Variants in COL4A5 observed in about 807,000 individuals in gnomAD.
The protein encoded by COL4A5 is collagen type IV alpha 5 chain.
A neutral mutation model predicts 130.2 loss-of-function variants in COL4A5; 26 were observed. That is an observed-to-expected ratio of 0.20 (90% confidence interval 0.15 to 0.28). The LOEUF (loss-of-function observed/expected upper bound fraction) is 0.28. Among genes scored for constraint, COL4A5 ranks in the 10% least tolerant of loss-of-function variants. The probability of loss-of-function intolerance (pLI) is 1.00; values close to 1 mark genes in which losing one functional copy is unlikely to be tolerated. For missense variants in COL4A5, 1,131 were observed against 1,344.3 expected, an observed-to-expected ratio of 0.84 and a Z score of 2.48; for synonymous variants, 496 against 439.6, an observed-to-expected ratio of 1.13 and a Z score of -1.60.
chrX:108,644,919 C>CAAAAA, intron 36 of COL4A5, among the ~76,000 whole-genome samples: 1 of 47,532 alleles, frequency 2.1e-5, no homozygotes, highest in Non-Finnish European at 5.2e-5. Context: ...ACAACAACAA[C>CAAAAA]AAAAAAAAAA....
At position 108,665,503 on chromosome X, in the gene COL4A5, C is replaced by G; in HGVS notation, c.3374-4C>G. ...TCATTTTTAAATTGAGCTCTTTACT[C>G]TAGGAACCCCAGGCCCTCCTGGACC... On this transcript the variant is annotated splice_region_variant and splice_polypyrimidine_tract_variant and intron_variant, in intron 37 of 52. Coordinates refer to ENST00000328300, the MANE Select transcript of COL4A5 (RefSeq NM_033380.3). 1.7e-6 allele frequency: 2 copies of G among 1,198,244 alleles called. No homozygotes were observed. The highest frequency in any genetic ancestry group is 2.3e-6 in the Non-Finnish European group (2 of 883,842).
intron 16 of COL4A5, 71 bp from the exon 17 acceptor site, chrX:108,582,813 G>A: frequency 1.1e-6 from 1 of 880,749 alleles, no homozygotes; most frequent in Non-Finnish European, 1.7e-6. Context: ...CTTCTATGGA[G>A]AAGACAATCT....
chrX:108,607,367 A>AC (rs1569495925), intron 29 of COL4A5, among the ~76,000 whole-genome samples: 1 of 108,224 alleles, frequency 9.2e-6, no homozygotes, highest in African/African-American at 3.4e-5. Flanking sequence ...AAAAAAAAAA[A>AC]CAATCATATA....
chrX:108,500,174 G>A (rs1229761062), intron 1 of COL4A5, among the ~76,000 whole-genome samples: 1 of 111,880 alleles, frequency 8.9e-6, no homozygotes, highest in Admixed American at 9.5e-5. Flanking sequence ...AGCTAGCACA[G>A]GCAGGTAGGG....
At chrX:108,490,341 C>T (rs1204999675) in intron 1 of COL4A5, among the ~76,000 whole-genome samples, 1 of 111,344 alleles carries the variant, frequency 9.0e-6, no homozygotes, top group African/African-American at 3.3e-5. Flanking sequence ...TGTCCTCTAT[C>T]GAAGTTCTAT....
chrX:108,526,637 T>TTTCC (rs2065320930), intron 1 of COL4A5, among the ~76,000 whole-genome samples: 1 of 68,004 alleles, frequency 1.5e-5, no homozygotes, highest in Admixed American at 1.6e-4. Context: ...TCTTTCTTTC[T>TTTCC]TTCTTTCTTT....
chrX:108,598,616 A>T (rs749100447), intron 24 of COL4A5, 86 bp from the exon 25 acceptor site: 1 of 871,261 alleles, frequency 1.1e-6, no homozygotes, highest in African/African-American at 2.0e-5. Context: ...ATTTATGGCT[A>T]TATCCTTTCC....
rs1378097869 is a variant in COL4A5 at position 108,595,559 on chromosome X, C to T, written c.1474C>T (p.Pro492Ser). 1 of 1,211,995 alleles carries T rather than the reference C, an allele frequency of 8.3e-7. No individual in the cohort carries two copies. Among genetic ancestry groups the T allele is most frequent in the Non-Finnish European group, 1.1e-6 (1 of 895,491 alleles). ...CTGCATTGGAACTGGTATTTCAGGG[C>T]CTCCAGGTCAACCTGGTTTGCCAGG... ...FNCIGTGISGPPGQPGLPGLP... is the reference protein window; with the variant it reads ...FNCIGTGISGSPGQPGLPGLP... The change falls in exon 22 of 53, where the codon CCT (proline) becomes TCT (serine). Residue 492 changes from proline (P) to serine (S), a missense_variant. By Grantham distance (74) the Pro-to-Ser change is moderately conservative (BLOSUM62 -1). Coordinates refer to ENST00000328300, the MANE Select transcript of COL4A5 (RefSeq NM_033380.3).
chrX:108,638,812 A>T (rs2067402683), intron 36 of COL4A5, among the ~76,000 whole-genome samples: 1 of 111,973 alleles, frequency 8.9e-6, no homozygotes, highest in South Asian at 3.7e-4. Context: ...AAATTAAGAA[A>T]ATTAAATTTA....
At chrX:108,466,582 A>G (rs912496789) in intron 1 of COL4A5, among the ~76,000 whole-genome samples, 2 of 111,086 alleles carry the variant, frequency 1.8e-5, no homozygotes, top group African/African-American at 3.3e-5. Context: ...AGAAATATCT[A>G]TTCAAGTCCT....
At chrX:108,461,695 GC>G (rs1471198042) in intron 1 of COL4A5, among the ~76,000 whole-genome samples, 1 of 110,841 alleles carries the variant, frequency 9.0e-6, no homozygotes, top group Non-Finnish European at 1.9e-5. Context: ...CCGGGTTCAA[GC>G]CGTTCTCCTG....
At chrX:108,606,617 C>A in intron 28 of COL4A5, 125 bp from the exon 29 acceptor site, 1 of 716,905 alleles carries the variant, frequency 1.4e-6, no homozygotes. Flanking sequence ...TAATTATCTT[C>A]TCCTCTCCCC....
At chrX:108,447,950 G>A (rs776474261) in intron 1 of COL4A5, among the ~76,000 whole-genome samples, 2 of 111,642 alleles carry the variant, frequency 1.8e-5, no homozygotes, top group Admixed American at 1.9e-4. Context: ...CACCTTCAGT[G>A]TGATATGTGA....
chrX:108,654,499 G>A (rs950219314), intron 36 of COL4A5, among the ~76,000 whole-genome samples: 1 of 112,732 alleles, frequency 8.9e-6, no homozygotes, highest in African/African-American at 3.2e-5. Context: ...AGGCTGGCCT[G>A]TAGTGGCATG....
intron 3 of COL4A5, among the ~76,000 whole-genome samples, chrX:108,563,393 G>A (rs185234210): frequency 5.0e-4 from 55 of 110,771 alleles, no homozygotes; most frequent in African/African-American, 1.4e-3. Flanking sequence ...TCGTTCTTAC[G>A]CTCTGCCAAT....
chrX:108,644,919 C>CAAAAAAAAAAAAAAA (rs778790757), intron 36 of COL4A5, among the ~76,000 whole-genome samples: 6 of 47,495 alleles, frequency 1.3e-4, no homozygotes, highest in Non-Finnish European at 2.1e-4. Context: ...ACAACAACAA[C>CAAAAAAAAAAAAAAA]AAAAAAAAAA....
chrX:108,620,149 T>G, intron 30 of COL4A5, 110 bp from the exon 31 acceptor site: 2 of 634,971 alleles, frequency 3.1e-6, no homozygotes, highest in Non-Finnish European at 5.2e-6. Context: ...TCTAACTCAC[T>G]CTTAGGTCTG....
At chrX:108,690,745 A>T (rs2068628473) in intron 49 of COL4A5, among the ~76,000 whole-genome samples, 1 of 111,574 alleles carries the variant, frequency 9.0e-6, no homozygotes, top group Admixed American at 9.6e-5. Context: ...AGACAAATTC[A>T]AAGGGATAAT....
At chrX:108,497,672 A>G (rs952281415) in intron 1 of COL4A5, among the ~76,000 whole-genome samples, 4 of 111,405 alleles carry the variant, frequency 3.6e-5, no homozygotes, top group African/African-American at 6.5e-5. Context: ...TCAATATTCA[A>G]TTTTCTTATA....
Sources: gnomAD v4.1 joint callset for allele counts (sites outside exome capture counted in the v4.1 genomes callset) on GRCh38, gnomAD v4.1.1 for gene constraint, MANE v1.5 for transcripts, NCBI Gene and HGNC (gene_info 2026-07-23, HGNC 2026-07-21) for gene names.